Variants in CSRNP2 observed in about 807,000 individuals in gnomAD.
CSRNP2 encodes the protein cysteine and serine rich nuclear protein 2, also known as cysteine/serine-rich nuclear protein 2.
In CSRNP2, 11 loss-of-function variants were observed where a neutral mutation model predicts 36.6. The ratio of observed to expected loss-of-function variants is 0.30; its 90% CI spans 0.19 to 0.50. CSRNP2 has a LOEUF of 0.50. Among genes scored for constraint, CSRNP2 ranks in the 20% least tolerant of loss-of-function variants. The pLI, the probability that CSRNP2 is intolerant of heterozygous loss-of-function variation, is 0.98. For missense variants in CSRNP2, 483 were observed against 691.4 expected (o/e 0.70, Z 3.38); for synonymous variants, 248 against 275.3 (o/e 0.90, Z 0.98).
Position 51,063,750 on chromosome 12 carries a change from A to C in CSRNP2, c.1628T>G (p.Val543Gly), listed in dbSNP as rs1217721594. 6.5e-7 allele frequency: 1 copy of C among 1,540,024 alleles called. No individual in the cohort carries two copies. Among genetic ancestry groups the C allele is most frequent in the East Asian group, 2.3e-5 (1 of 44,172 alleles). Residue 543 changes from valine to glycine, a missense_variant, in exon 5 of 5, where the codon GTG (valine) becomes GGG (glycine). Physicochemically the swap from Val to Gly is moderately radical, Grantham distance 109. Around this residue, in one of 2 missense-constraint regions of CSRNP2, gnomAD observed 277 missense variants for 323.6 expected, o/e 0.86. Transcript: ENST00000228515. ...EDSSLELPLA[V>G] ...AGGCAGGACCTCTAGCGCCTGTCACACTGCCAGAGGGAGTTCTAAGGAAGA... is the reference window on the plus strand; with the variant it reads ...AGGCAGGACCTCTAGCGCCTGTCACCCTGCCAGAGGGAGTTCTAAGGAAGA...
chr12:51,074,803 A>T (rs2136914676), intron 2 of CSRNP2, among the ~76,000 whole-genome samples: 1 of 152,292 alleles, frequency 6.6e-6, no homozygotes, highest in South Asian at 2.1e-4. Flanking sequence ...ATGGTGGCTC[A>T]TGCCTGTAAT....
intron 3 of CSRNP2, 137 bp from the exon 4 acceptor site, chr12:51,068,106 A>G (rs1365753823): frequency 1.4e-6 from 1 of 728,588 alleles, no homozygotes; most frequent in African/African-American, 1.8e-5. Flanking sequence ...GATGGCAGCT[A>G]CTAGCACATG....
intron 4 of CSRNP2, among the ~76,000 whole-genome samples, chr12:51,066,244 AG>A (rs1445036942): frequency 1.3e-5 from 2 of 151,834 alleles, no homozygotes; most frequent in Non-Finnish European, 2.9e-5. Context: ...CACGAGGTCA[AG>A]AGATCGAGAC....
intron 3 of CSRNP2, among the ~76,000 whole-genome samples, chr12:51,071,508 T>C (rs563702700): frequency 6.6e-6 from 1 of 152,262 alleles, no homozygotes; most frequent in African/African-American, 2.4e-5. Flanking sequence ...CCCACACCTG[T>C]AGTCCCAACT....
intron 1 of CSRNP2, among the ~76,000 whole-genome samples, chr12:51,079,887 A>G (rs890919394): frequency 1.6e-4 from 24 of 150,996 alleles, no homozygotes; most frequent in African/African-American, 5.6e-4. Context: ...ATCCTGGCCA[A>G]TATGGTGAAA....
intron 4 of CSRNP2, 136 bp from the exon 5 acceptor site, chr12:51,064,805 A>T: frequency 1.6e-6 from 1 of 621,428 alleles, no homozygotes; most frequent in East Asian, 2.9e-5. Context: ...TTCAAAGCAT[A>T]GCATGCAGTG....
intron 4 of CSRNP2, among the ~76,000 whole-genome samples, chr12:51,066,607 C>T (rs1938364984): frequency 6.7e-6 from 1 of 150,160 alleles, no homozygotes; most frequent in Non-Finnish European, 1.5e-5. Context: ...CGCCACTGCA[C>T]TCCAGCCTGG....
At chr12:51,077,995 G>A (rs533078079) in intron 1 of CSRNP2, among the ~76,000 whole-genome samples, 6 of 152,318 alleles carry the variant, frequency 3.9e-5, no homozygotes, top group South Asian at 2.1e-4. Flanking sequence ...CTGTCAAAGC[G>A]GGAGCCATGT....
intron 1 of CSRNP2, among the ~76,000 whole-genome samples, chr12:51,078,011 G>A (rs1374077320): frequency 6.6e-6 from 1 of 152,206 alleles, no homozygotes; most frequent in Non-Finnish European, 1.5e-5. Context: ...CATGTGTGAT[G>A]AGACACGAAC....
intron 1 of CSRNP2, among the ~76,000 whole-genome samples, chr12:51,081,026 G>A (rs1939619073): frequency 6.6e-6 from 1 of 152,186 alleles, no homozygotes; most frequent in African/African-American, 2.4e-5. Flanking sequence ...GGTGGCACAT[G>A]CCTGTAATCC....
chr12:51,070,584 T>C (rs1261838948), intron 3 of CSRNP2, among the ~76,000 whole-genome samples: 2 of 152,212 alleles, frequency 1.3e-5, no homozygotes, highest in Non-Finnish European at 2.9e-5. Flanking sequence ...TTCTAGTTAT[T>C]AAATCGTATT....
intron 3 of CSRNP2, among the ~76,000 whole-genome samples, chr12:51,071,092 T>C (rs1939130823): frequency 6.6e-6 from 1 of 151,864 alleles, no homozygotes; most frequent in Non-Finnish European, 1.5e-5. Context: ...CAAAACTTCG[T>C]CTCTACTAAA....
intron 4 of CSRNP2, among the ~76,000 whole-genome samples, chr12:51,066,784 T>C (rs1938411701): frequency 6.6e-6 from 1 of 152,330 alleles, no homozygotes; most frequent in Admixed American, 6.5e-5. Flanking sequence ...GTAGAGGTAC[T>C]GAACAATAAG....
chr12:51,068,745 C>A (rs576418457), intron 3 of CSRNP2, among the ~76,000 whole-genome samples: 86 of 152,156 alleles, frequency 5.7e-4, no homozygotes, highest in African/African-American at 2.0e-3. Context: ...GTGAAACACC[C>A]TTCAACTTGC....
At chr12:51,080,127 AGCAGGCAGGCAG>A (rs138392211) in intron 1 of CSRNP2, among the ~76,000 whole-genome samples, 5,221 of 137,862 alleles carry the variant, frequency 0.038, 336 homozygotes, top group Admixed American at 0.15. Context: ...GAAGAAGGCA[AGCAGGCAGGCAG>A]GCAGGCAGGC....
At chr12:51,071,599 T>TA (rs1160590478) in intron 3 of CSRNP2, among the ~76,000 whole-genome samples, 4 of 152,056 alleles carry the variant, frequency 2.6e-5, no homozygotes, top group Non-Finnish European at 4.4e-5. Flanking sequence ...ACCCCATCTT[T>TA]AAAAAAACAA....
intron 1 of CSRNP2, among the ~76,000 whole-genome samples, chr12:51,078,248 A>C (rs1939472091): frequency 6.6e-6 from 1 of 152,212 alleles, no homozygotes; most frequent in South Asian, 2.1e-4. Flanking sequence ...TACAAAGTCA[A>C]CCAGACGTAA....
chr12:51,083,530 G>A lies in CSRNP2; in HGVS notation c.-278C>T, dbSNP rs2136943582. ...CCAGCCGGCAGGCAGAGAGGGCCGG[G>A]CGTCTCCGGCAACTCGGGCGCCCCC... On this transcript the variant is annotated 5_prime_UTR_variant, in exon 1 of 5. Coordinates refer to ENST00000228515, the MANE Select transcript of CSRNP2 (RefSeq NM_030809.3). The A allele has an allele frequency of 6.6e-6, 1 of 152,400 alleles. No individual in the cohort carries two copies. The highest frequency in any genetic ancestry group is 3.4e-3 in the Middle Eastern group (1 of 292). 9.4% of individuals were successfully genotyped at this position (152,400 alleles called of 1,614,324 possible).
At chr12:51,075,492 C>G (rs763227103) in intron 2 of CSRNP2, among the ~76,000 whole-genome samples, 7 of 152,208 alleles carry the variant, frequency 4.6e-5, no homozygotes, top group Non-Finnish European at 7.3e-5. Context: ...ACATTTCTAT[C>G]ATAACAGAAA....
Sources: gnomAD v4.1 joint callset for allele counts (sites outside exome capture counted in the v4.1 genomes callset) on GRCh38, gnomAD v4.1.1 for gene constraint, gnomAD v4.1.1 regional missense constraint, MANE v1.5 for transcripts, NCBI Gene and HGNC (gene_info 2026-07-23, HGNC 2026-07-21) for gene names.